The following GNAT3 variants were observed in gnomAD, a reference collection of about 807,000 sequenced individuals.
GNAT3 encodes the protein guanine nucleotide-binding protein G(t) subunit alpha-3.
GNAT3 carries 31 observed loss-of-function variants against 37.7 expected under a neutral mutation model. That is an observed-to-expected ratio of 0.82 (90% confidence interval 0.62 to 1.11). The LOEUF (loss-of-function observed/expected upper bound fraction) is 1.11. GNAT3 is among the 50% of genes most tolerant of loss of function. The pLI, the probability that GNAT3 is intolerant of heterozygous loss-of-function variation, is 0.00. For missense variants in GNAT3, 437 were observed against 412.5 expected (o/e 1.06, Z -0.51); for synonymous variants, 138 against 139.8 (o/e 0.99, Z 0.09).
At chr7:80,484,434 A>G (rs1206151919) in intron 3 of GNAT3, among the ~76,000 whole-genome samples, 1 of 152,150 alleles carries the variant, frequency 6.6e-6, no homozygotes, top group Non-Finnish European at 1.5e-5. Context: ...CAGAACTTCA[A>G]TTGTAGAACA....
intron 2 of GNAT3, among the ~76,000 whole-genome samples, chr7:80,490,747 G>A (rs1419070859): frequency 6.6e-6 from 1 of 152,136 alleles, no homozygotes; most frequent in Non-Finnish European, 1.5e-5. Context: ...AGTAAGAAAT[G>A]TCAGCATAGA....
At chr7:80,498,450 T>C (rs1390286326) in intron 1 of GNAT3, among the ~76,000 whole-genome samples, 1 of 152,198 alleles carries the variant, frequency 6.6e-6, no homozygotes, top group Non-Finnish European at 1.5e-5. Context: ...CAGTCTTCTA[T>C]GTAAAGGTCC....
chr7:80,488,495 C>A, intron 3 of GNAT3, 40 bp downstream of exon 3: 1 of 1,548,280 alleles, frequency 6.5e-7, no homozygotes, highest in Non-Finnish European at 8.8e-7. Flanking sequence ...GGCTCAAACT[C>A]TATTGCAGGA....
At chr7:80,465,618 A>G (rs2116144442) in intron 5 of GNAT3, among the ~76,000 whole-genome samples, 2 of 152,270 alleles carry the variant, frequency 1.3e-5, no homozygotes, top group Non-Finnish European at 2.9e-5. Context: ...TACTTAGAAC[A>G]GAGGTGCACA....
intron 3 of GNAT3, among the ~76,000 whole-genome samples, chr7:80,479,680 C>T (rs1016685877): frequency 1.5e-5 from 2 of 130,840 alleles, no homozygotes; most frequent in African/African-American, 3.0e-5. Context: ...CACTACATTT[C>T]AGCCTAGGTG....
Position 80,462,197 on chromosome 7 carries a change from G to T in GNAT3, c.836C>A (p.Thr279Asn), listed in dbSNP as rs1790061575. 3 of 1,592,088 alleles carry T rather than the reference G, an allele frequency of 1.9e-6. No homozygotes were observed. The highest frequency in any genetic ancestry group is 2.3e-5 in the South Asian group (2 of 88,200). Residue 279 changes from threonine to asparagine, a missense_variant, in exon 7 of 8, where the codon ACC becomes AAC. By Grantham distance (65) the Thr-to-Asn change is moderately conservative (BLOSUM62 0). Transcript: ENST00000398291. ...AAAGCAGATACTAAGATGCACCTTG[G>T]TTACCTTTTCTTGAAAGATATCTTT... The part of the protein sequence containing the change: ...NKKDIFQEKV[T>N]KVHLSICFPE...
At chr7:80,489,771 A>G (rs1790557183) in intron 2 of GNAT3, among the ~76,000 whole-genome samples, 1 of 152,150 alleles carries the variant, frequency 6.6e-6, no homozygotes, top group South Asian at 2.1e-4. Context: ...AAAAAAATGC[A>G]GTAAAATGTC....
In GNAT3 at chr7:80,511,829, G is replaced by T. The variant is rs533524866; in HGVS notation, c.98C>A (p.Thr33Asn). ...LQEDAERDAR[T>N]VKLLLLGAGE... ...ATTACCTAATAGTAGCAGCTTTACG[G>T]TTCTTGCATCTCGCTCAGCATCCTC... is the stretch of plus-strand genomic sequence containing the variant. The change falls in exon 1 of 8, where the codon ACC becomes AAC. Residue 33 changes from threonine to asparagine, a missense_variant. Transcript: ENST00000398291. The T allele has an allele frequency of 1.4e-5, 22 of 1,610,310 alleles. No homozygotes were observed. The South Asian group carries it at 1.9e-4, about 14-fold the overall frequency.
chr7:80,493,037 C>CT (rs199834587), intron 2 of GNAT3, among the ~76,000 whole-genome samples: 1,977 of 152,078 alleles, frequency 0.013, 52 homozygotes, highest in African/African-American at 0.045. Context: ...CCTTTATATA[C>CT]TAGTCACCAG....
chr7:80,494,487 A>G lies in GNAT3; in HGVS notation c.161+118T>C, dbSNP rs559678424. 2.1e-4 allele frequency: 133 copies of G among 634,846 alleles called. No individual in the cohort carries two copies. In the East Asian group the frequency reaches 3.1e-3, roughly 15 times the overall value. The allele number at this position is 634,846 out of a possible 1,614,324, so 39.3% of individuals were successfully genotyped here. A position where few individuals can be genotyped will look rare whatever the true frequency, so the allele number is the denominator to read the frequency against. The stretch of plus-strand genomic sequence containing the variant: ...TTTGCACAGGAACTATGACCACTCT[A>G]TGATCCATGATTTAGAAAAGATTGT... On this transcript the variant is annotated intron_variant, in intron 2 of 7. Transcript: ENST00000398291.
chr7:80,467,025 C>G (rs1346500014), intron 5 of GNAT3, among the ~76,000 whole-genome samples: 1 of 152,096 alleles, frequency 6.6e-6, no homozygotes, highest in Non-Finnish European at 1.5e-5. Flanking sequence ...ACAGTATTTA[C>G]CCATTTCTTT....
chr7:80,466,495 C>T (rs1023560327), intron 5 of GNAT3, among the ~76,000 whole-genome samples: 1 of 151,922 alleles, frequency 6.6e-6, no homozygotes. Context: ...AATATTTTAC[C>T]TCAGAGAAAA....
At chr7:80,459,757 T>A (rs1377541928) in intron 7 of GNAT3, among the ~76,000 whole-genome samples, 1 of 152,240 alleles carries the variant, frequency 6.6e-6, no homozygotes, top group Non-Finnish European at 1.5e-5. Context: ...TGTTTCCTAC[T>A]TTATTGTAAC....
At chr7:80,492,192 A>T (rs949694451) in intron 2 of GNAT3, among the ~76,000 whole-genome samples, 2 of 137,082 alleles carry the variant, frequency 1.5e-5, no homozygotes, top group African/African-American at 6.3e-5. Flanking sequence ...AAAAAAAAAA[A>T]AATTAGCTGG....
rs375145572 is a variant in GNAT3 at position 80,511,827 on chromosome 7, C to T, written c.100G>A (p.Val34Ile). The T allele has an allele frequency of 6.8e-5, 109 of 1,609,022 alleles. No individual in the cohort carries two copies. Among genetic ancestry groups the T allele is most frequent in the Non-Finnish European group, 8.0e-5 (94 of 1,176,498 alleles). Residue 34 changes from valine (V) to isoleucine (I), a missense_variant, in exon 1 of 8, where the codon GTA becomes ATA. Transcript: ENST00000398291. ...QEDAERDART[V>I]KLLLLGAGES... ...AAATTACCTAATAGTAGCAGCTTTA[C>T]GGTTCTTGCATCTCGCTCAGCATCC...
At chr7:80,498,433 G>A (rs1023008901) in intron 1 of GNAT3, among the ~76,000 whole-genome samples, 1 of 152,034 alleles carries the variant, frequency 6.6e-6, no homozygotes, top group Non-Finnish European at 1.5e-5. Flanking sequence ...GCTTTATGTA[G>A]TGACTTCAGT....
At chr7:80,509,879 G>T (rs1791030564) in intron 1 of GNAT3, among the ~76,000 whole-genome samples, 1 of 151,542 alleles carries the variant, frequency 6.6e-6, no homozygotes, top group Non-Finnish European at 1.5e-5. Flanking sequence ...TGCTTGTGTT[G>T]TGTCCAACAC....
chr7:80,493,624 TTCC>T (rs1790639649), intron 2 of GNAT3, among the ~76,000 whole-genome samples: 1 of 80,642 alleles, frequency 1.2e-5, no homozygotes, highest in Non-Finnish European at 2.5e-5. Context: ...CTCTTTCCTC[TTCC>T]TCCTCCTCTT....
chr7:80,480,386 A>G (rs1790374416), intron 3 of GNAT3, among the ~76,000 whole-genome samples: 1 of 152,138 alleles, frequency 6.6e-6, no homozygotes, highest in Admixed American at 6.6e-5. Flanking sequence ...AAGTATCAGA[A>G]TAAGAGTCAA....
Sources: gnomAD v4.1 joint callset for allele counts (sites outside exome capture counted in the v4.1 genomes callset) on GRCh38, gnomAD v4.1.1 for gene constraint, MANE v1.5 for transcripts, NCBI Gene and HGNC (gene_info 2026-07-23, HGNC 2026-07-21) for gene names.